Variants in RIF1 observed in about 807,000 individuals in gnomAD.
The protein encoded by RIF1 is replication timing regulatory factor 1.
RIF1 carries 45 observed loss-of-function variants against 247.1 expected under a neutral mutation model. That is an observed-to-expected ratio of 0.18 (90% CI 0.14 to 0.23). The LOEUF (loss-of-function observed/expected upper bound fraction) is 0.23. Among genes scored for constraint, RIF1 ranks in the 10% least tolerant of loss-of-function variants. The probability of loss-of-function intolerance (pLI) is 1.00; values close to 1 mark genes in which losing one functional copy is unlikely to be tolerated. For missense variants in RIF1, 2,967 were observed against 2,862.5 expected (o/e 1.04, Z -0.83); for synonymous variants, 1,087 against 978.8 (o/e 1.11, Z -2.06).
chr2:151,448,438 G>A (rs1693702342), intron 20 of RIF1, among the ~76,000 whole-genome samples: 1 of 152,182 alleles, frequency 6.6e-6, no homozygotes, highest in Admixed American at 6.5e-5. Flanking sequence ...CCCATAGTTA[G>A]ATGTTCATTG....
chr2:151,501,847 C>G (rs1473557919), intron 11 of RIF1, among the ~76,000 whole-genome samples: 1 of 151,950 alleles, frequency 6.6e-6, no homozygotes, highest in African/African-American at 2.4e-5. Flanking sequence ...GAGAGAGAGA[C>G]AGGTAGGTTT....
rs538956092 is a variant in RIF1 at position 151,436,769 on chromosome 2, G to C, written c.1196-58G>C. 2.0e-5 allele frequency: 24 copies of C among 1,221,884 alleles called. No homozygotes were observed. The East Asian group carries it at 5.7e-4, about 29-fold the overall frequency. 75.7% of individuals were successfully genotyped at this position (1,221,884 alleles called of 1,614,324 possible). ...TCATTGAAATGAAATGTATGCATTT[G>C]GGTAGCTAATATAAAATGAGCTTGT... On this transcript the variant is annotated intron_variant, in intron 11 of 35. Transcript: ENST00000444746.
chr2:151,524,311 C>G, the RIF1 span: 1 of 1,613,266 alleles, frequency 6.2e-7, no homozygotes, highest in Non-Finnish European at 8.5e-7. Context: ...TCTGCATTAC[C>G]TGGCTGCTCA....
At chr2:151,424,006 C>T (rs534627021) in intron 8 of RIF1, among the ~76,000 whole-genome samples, 1 of 152,208 alleles carries the variant, frequency 6.6e-6, no homozygotes, top group East Asian at 1.9e-4. Context: ...GTCTGTTCTA[C>T]TTCCTGTCTC....
At chr2:151,486,654 CTAT>C (rs2050688211), downstream of RIF1, 1 of 152,286 alleles carries the variant, frequency 6.6e-6, no homozygotes, top group Non-Finnish European at 1.5e-5. Flanking sequence ...CCATACAGAT[CTAT>C]TATTGGGTAG....
rs1475356110 is a variant in RIF1, at chr2:151,479,698, T to C, written c.*4627T>C. On this transcript the variant is annotated 3_prime_UTR_variant, in exon 36 of 36. Coordinates refer to ENST00000444746, the MANE Select transcript of RIF1 (RefSeq NM_018151.5). ...AAATTTGAAAGATGGAGTTGAATAA[T>C]ATGATTCTCGAAAAGTGAGTTTTTC... The C allele has an allele frequency of 1.3e-5, 2 of 152,194 alleles. No homozygotes were observed. The highest frequency in any genetic ancestry group is 6.5e-5 in the Admixed American group (1 of 15,280). The allele number at this position is 152,194 out of a possible 1,614,324, so 9.4% of individuals were successfully genotyped here.
Position 151,497,797 on chromosome 2 carries a change from AAC to A in RIF1, c.*514-1544_*514-1543del, listed in dbSNP as rs1221356194. Reference sequence around the variant, plus strand: ...TGGGACTTTTTAAGGATGAGGAAAAAACACAGTCATCCAAGGAGCCAGAAGTT... The same window carrying A: ...TGGGACTTTTTAAGGATGAGGAAAAAACAGTCATCCAAGGAGCCAGAAGTT... On this transcript the variant is annotated intron_variant and NMD_transcript_variant, in intron 10 of 13. Coordinates refer to the RIF1 transcript ENST00000454583. 56 of 1,539,990 alleles carry A rather than the reference AAC, an allele frequency of 3.6e-5. 4 individuals carry two copies. In the Middle Eastern group the frequency reaches 1.3e-3, roughly 37 times the overall value.
In RIF1 at chr2:151,471,945, A is replaced by G. The variant is rs187499720; in HGVS notation, c.7096-2019A>G. 5.5e-4 allele frequency among the ~76,000 whole-genome samples: 84 copies of G among 152,272 alleles called. 1 individual carries two copies. Among genetic ancestry groups the G allele is most frequent in the African/African-American group, 1.7e-3 (72 of 41,554 alleles). The stretch of plus-strand genomic sequence containing the variant: ...GCTTGATGGGGGTGGCATTGAATCT[A>G]TAAATTACCTTGGGCAGTATGGCGA... On this transcript the variant is annotated intron_variant, in intron 34 of 35. Coordinates refer to ENST00000444746, the MANE Select transcript of RIF1 (RefSeq NM_018151.5).
chr2:151,446,539 C>G lies in RIF1; in HGVS notation c.2208C>G (p.Ser736=), dbSNP rs547370487. ...EENLCCEELS[S]KIMSSLEDEG... is the part of the protein sequence containing the mutation. ...ACTTGTGCTGTGAGGAACTTTCTTC[C>G]AAGATAATGTCCAGTTTGGAAGATG... The change falls in exon 20 of 36, where the codon TCC becomes TCG. Residue 736 remains serine, a synonymous_variant. Coordinates refer to ENST00000444746, the MANE Select transcript of RIF1 (RefSeq NM_018151.5). The G allele has an allele frequency of 1.7e-5, 27 of 1,612,922 alleles. No homozygotes were observed. The highest frequency in any genetic ancestry group is 2.3e-5 in the Non-Finnish European group (27 of 1,179,832).
the RIF1 span, chr2:151,524,654 C>CTTTTTGTTTTTT: frequency 4.8e-6 from 1 of 208,488 alleles, no homozygotes; most frequent in Non-Finnish European, 8.3e-6. Flanking sequence ...AAGAGAGAGG[C>CTTTTTGTTTTTT]TTTTTTTTTT....
At chr2:151,515,057 C>T in the RIF1 span, 2 of 634,134 alleles carry the variant, frequency 3.2e-6, no homozygotes, top group South Asian at 4.0e-5. Context: ...TGCTAATGGT[C>T]ACACATTTGA....
chr2:151,467,876 C>A, intron 30 of RIF1, 124 bp from the exon 31 acceptor site: 1 of 828,476 alleles, frequency 1.2e-6, no homozygotes, highest in Non-Finnish European at 1.9e-6. Context: ...GTGCAGCTGA[C>A]TTCTGGTGAA....
chr2:151,530,980 A>G, the RIF1 span: 2 of 1,576,360 alleles, frequency 1.3e-6, no homozygotes, highest in Non-Finnish European at 1.7e-6. Context: ...CTGCTAAACC[A>G]TTCTAGTACT....
At chr2:151,531,608 C>T in the RIF1 span, among the ~76,000 whole-genome samples, 65 of 152,310 alleles carry the variant, frequency 4.3e-4, no homozygotes, top group African/African-American at 1.5e-3. Context: ...TAAGCCACCA[C>T]GCCCGGCCAC....
At position 151,416,857 on chromosome 2, in the gene RIF1, G is replaced by T; in HGVS notation, c.459G>T (p.Thr153=). 1 of 1,612,616 alleles carries T rather than the reference G, an allele frequency of 6.2e-7. No individual in the cohort carries two copies. The highest frequency in any genetic ancestry group is 8.5e-7 in the Non-Finnish European group (1 of 1,179,116). The part of the protein sequence containing the change: ...SLEILFNKGE[T]HSAVVDFEAL... ...AAATACTGTTTAACAAAGGAGAGAC[G>T]CATTCTGCTGTTGTTGATTTTGAAG... Residue 153 remains threonine, a synonymous_variant, in exon 6 of 36, where the codon ACG becomes ACT. Coordinates refer to ENST00000444746, the MANE Select transcript of RIF1 (RefSeq NM_018151.5).
intron 19 of RIF1, among the ~76,000 whole-genome samples, chr2:151,446,090 T>G (rs1016126345): frequency 9.9e-5 from 15 of 152,106 alleles, no homozygotes; most frequent in African/African-American, 3.4e-4. Context: ...CACTGCAACC[T>G]CTACCTCCTG....
chr2:151,532,178 C>A, the RIF1 span: 6 of 251,482 alleles, frequency 2.4e-5, no homozygotes, highest in East Asian at 3.0e-4. Flanking sequence ...CTCACTGCAA[C>A]CTCCACCTCC....
At chr2:151,430,312 C>T (rs983977113) in intron 9 of RIF1, among the ~76,000 whole-genome samples, 1 of 151,362 alleles carries the variant, frequency 6.6e-6, no homozygotes, top group Admixed American at 6.6e-5. Context: ...TGAGGTACTG[C>T]GCCCGGCCTT....
chr2:151,455,258 C>A, intron 22 of RIF1, 99 bp downstream of exon 22: 1 of 823,000 alleles, frequency 1.2e-6, no homozygotes, highest in Non-Finnish European at 1.8e-6. Context: ...AGATGGTAGT[C>A]TTGACAATTT....
Sources: gnomAD v4.1 joint callset for allele counts (sites outside exome capture counted in the v4.1 genomes callset) on GRCh38, gnomAD v4.1.1 for gene constraint, MANE v1.5 for transcripts, NCBI Gene and HGNC (gene_info 2026-07-23, HGNC 2026-07-21) for gene names.